The following CASKIN2 variants were observed in gnomAD, a reference collection of about 807,000 sequenced individuals.
The protein encoded by CASKIN2 is CASK interacting protein 2.
A neutral mutation model predicts 107.1 loss-of-function variants in CASKIN2; 41 were observed. That is an observed-to-expected ratio of 0.38 (90% CI 0.30 to 0.50). The LOEUF is 0.50. CASKIN2 is among the 20% of genes least tolerant of loss of function. CASKIN2 has a pLI of 0.92. For synonymous variants in CASKIN2, 724 were observed against 705.6 expected, an observed-to-expected ratio of 1.03 and a Z score of -0.41; for missense variants, 1,546 against 1,657.4, an observed-to-expected ratio of 0.93 and a Z score of 1.17.
chr17:75,507,792 C>T, intron 3 of CASKIN2, 111 bp from the exon 4 acceptor site: 1 of 752,790 alleles, frequency 1.3e-6, no homozygotes. Context: ...GGGTTACTGG[C>T]CCCCCCAACC....
At position 75,501,110 on chromosome 17, in the gene CASKIN2, C is replaced by G; in HGVS notation, c.3579G>C (p.Leu1193=). The G allele has an allele frequency of 6.3e-7, 1 of 1,587,414 alleles. No homozygotes were observed. The highest frequency in any genetic ancestry group is 8.6e-7 in the Non-Finnish European group (1 of 1,166,836). ...LDDISTMFDA[L]ADQLDAMLD is the part of the protein sequence containing the mutation. Reference sequence around the variant, plus strand: ...CCAGCATGGCGTCCAGCTGGTCAGCCAGGGCGTCGAACATGGTGCTGATGT... The same window carrying G: ...CCAGCATGGCGTCCAGCTGGTCAGCGAGGGCGTCGAACATGGTGCTGATGT... Residue 1193 remains leucine, a synonymous_variant, in exon 20 of 20, where the codon CTG becomes CTC. Coordinates refer to ENST00000321617, the MANE Select transcript of CASKIN2 (RefSeq NM_020753.5).
rs1032968336 is a variant in CASKIN2 at position 75,504,061 on chromosome 17, T to C, written c.1468-99A>G. The C allele has an allele frequency of 2.4e-6, 3 of 1,235,576 alleles. No homozygotes were observed. The Admixed American group carries it at 6.1e-5, about 25-fold the overall frequency. 76.5% of individuals were successfully genotyped at this position (1,235,576 alleles called of 1,614,324 possible). ...CCTGCCTGAGCGGGGCTTCAGTCCATACAGAGGCTCTTGCCTCTACCCTGC... is the reference window on the plus strand; with the variant it reads ...CCTGCCTGAGCGGGGCTTCAGTCCACACAGAGGCTCTTGCCTCTACCCTGC... On this transcript the variant is annotated intron_variant, in intron 14 of 19. Coordinates refer to ENST00000321617, the MANE Select transcript of CASKIN2 (RefSeq NM_020753.5).
chr17:75,513,394 G>C (rs1263934591), intron 2 of CASKIN2, among the ~76,000 whole-genome samples: 1 of 152,150 alleles, frequency 6.6e-6, no homozygotes, highest in Non-Finnish European at 1.5e-5. Context: ...CCCGTGAGCC[G>C]AGATCCTGCC....
Position 75,506,569 on chromosome 17 carries a change from G to T in CASKIN2, c.617+14C>A. 1 of 1,611,640 alleles carries T rather than the reference G, an allele frequency of 6.2e-7. No homozygotes were observed. ...CAGGCAGGTGATGAGGAAGCGAGGGGACCCCAAGGGTACCTGATGACTTCT... is the reference window on the plus strand; with the variant it reads ...CAGGCAGGTGATGAGGAAGCGAGGGTACCCCAAGGGTACCTGATGACTTCT... On this transcript the variant is annotated intron_variant, in intron 7 of 19. Coordinates refer to ENST00000321617, the MANE Select transcript of CASKIN2 (RefSeq NM_020753.5). This position sits in a 1 kb window ranked among gnomAD's most constrained non-coding sequence, Gnocchi z 4.8.
At chr17:75,513,027 C>T (rs2053327685) in intron 2 of CASKIN2, among the ~76,000 whole-genome samples, 1 of 152,136 alleles carries the variant, frequency 6.6e-6, no homozygotes, top group Non-Finnish European at 1.5e-5. Context: ...TTCTCTAACC[C>T]ACTGTCAGAA....
In CASKIN2 at chr17:75,503,979, G is replaced by A. The variant is rs202035404; in HGVS notation, c.1468-17C>T. On this transcript the variant is annotated splice_polypyrimidine_tract_variant and intron_variant, in intron 14 of 19. Coordinates refer to ENST00000321617, the MANE Select transcript of CASKIN2 (RefSeq NM_020753.5). ...CTGCGCGTCCTGCGGGGTGGGGGAA[G>A]GGGGCAGAATTAGCAGGAGCTGGAC... 3.1e-4 allele frequency: 494 copies of A among 1,600,100 alleles called. No individual in the cohort carries two copies. Among genetic ancestry groups the A allele is most frequent in the Non-Finnish European group, 3.9e-4 (457 of 1,172,786 alleles).
At chr17:75,511,768 C>A (rs1347727932) in intron 2 of CASKIN2, among the ~76,000 whole-genome samples, 1 of 152,164 alleles carries the variant, frequency 6.6e-6, no homozygotes, top group African/African-American at 2.4e-5. Flanking sequence ...CAGACGCTTC[C>A]CACTGGGCAC....
In CASKIN2 at chr17:75,502,367, G is replaced by A. The variant is rs1223515430; in HGVS notation, c.2707C>T (p.Arg903Ter). ...GCAGGTTCACTCAGTGTTCGCCTTC[G>A]GGGCCCTGTGGCCCCTTCCTTGGGC... is the stretch of plus-strand genomic sequence containing the variant. ...PGPKEGATGP[R>*]RRTLSEPAGP... The change falls in exon 18 of 20, where the codon CGA becomes TGA. Residue 903 changes from arginine (R) to a stop codon, truncating the protein, a stop_gained. Coordinates refer to ENST00000321617, the MANE Select transcript of CASKIN2 (RefSeq NM_020753.5). LOFTEE classifies it high-confidence loss of function. This position sits in a 1 kb window ranked among gnomAD's most constrained non-coding sequence, Gnocchi z 4.3. 1.4e-6 allele frequency: 2 copies of A among 1,478,748 alleles called. No individual in the cohort carries two copies. The highest frequency in any genetic ancestry group is 1.4e-5 in the South Asian group (1 of 70,330). The allele number at this position is 1,478,748 out of a possible 1,614,324, so 91.6% of individuals were successfully genotyped here. A position where few individuals can be genotyped will look rare whatever the true frequency, so the allele number is the denominator to read the frequency against.
intron 2 of CASKIN2, among the ~76,000 whole-genome samples, chr17:75,511,802 A>C (rs1345246886): frequency 1.3e-5 from 2 of 152,156 alleles, no homozygotes; most frequent in Non-Finnish European, 2.9e-5. Flanking sequence ...GGAGCCTAAG[A>C]GCCCAGCTCT....
chr17:75,507,190 C>T, intron 4 of CASKIN2, 61 bp from the exon 5 acceptor site: 2 of 1,546,816 alleles, frequency 1.3e-6, no homozygotes, highest in Non-Finnish European at 1.7e-6. Flanking sequence ...TGGAGAGGAA[C>T]TGAGCAGAGT....
chr17:75,505,118 G>T lies in CASKIN2; in HGVS notation c.931-45C>A. On this transcript the variant is annotated intron_variant, in intron 10 of 19. Transcript: ENST00000321617. The surrounding 1 kb of genome is among the most constrained non-coding windows in gnomAD (Gnocchi z 5.1). ...GCGGGGACGGTCACTCCCAGCACCA[G>T]GCAAGTGGCAAACGGTTGTCCCTGC... 6.3e-7 allele frequency: 1 copy of T among 1,594,618 alleles called. No homozygotes were observed. The highest frequency in any genetic ancestry group is 8.5e-7 in the Non-Finnish European group (1 of 1,172,108).
intron 2 of CASKIN2, among the ~76,000 whole-genome samples, 186 bp from the exon 3 acceptor site, chr17:75,508,471 T>G (rs1164926520): frequency 6.6e-6 from 1 of 151,280 alleles, no homozygotes; most frequent in African/African-American, 2.4e-5. Flanking sequence ...ATGAGGGCAG[T>G]GAGGGCAGGA....
chr17:75,502,481 G>A lies in CASKIN2; in HGVS notation c.2593C>T (p.Arg865Cys), dbSNP rs755968131. 11 of 1,450,966 alleles carry A rather than the reference G, an allele frequency of 7.6e-6. No individual in the cohort carries two copies. The highest frequency in any genetic ancestry group is 3.7e-4 in the Middle Eastern group (2 of 5,400). The allele number at this position is 1,450,966 out of a possible 1,614,324, so 89.9% of individuals were successfully genotyped here. A position where few individuals can be genotyped will look rare whatever the true frequency, so the allele number is the denominator to read the frequency against. ...RSQSFALRARRKGPPPPPPKR... is the reference protein window; with the variant it reads ...RSQSFALRARCKGPPPPPPKR... ...GGGGGCGGGGGCGGGGGGCCTTTGC[G>A]CCGGGCCCGCAGGGCAAAGGACTGG... Residue 865 changes from arginine (R) to cysteine (C), a missense_variant, in exon 18 of 20, where the codon CGC becomes TGC. Arg to Cys is a radical substitution (Grantham distance 180). This residue lies in a region of CASKIN2 where 1,311 missense variants were observed against 1,311.0 expected (regional missense o/e 1.00). Coordinates refer to ENST00000321617, the MANE Select transcript of CASKIN2 (RefSeq NM_020753.5). This position sits in a 1 kb window ranked among gnomAD's most constrained non-coding sequence, Gnocchi z 4.3.
In CASKIN2 at chr17:75,512,899, C is replaced by CAAA. The variant is rs35985597; in HGVS notation, c.94+809_94+811dup. ...CGGGTGAGAAAGCAAGACTCCGTCTCAAAAAAAAAAAACAGCTATCTTATA... is the reference window on the plus strand; with the variant it reads ...CGGGTGAGAAAGCAAGACTCCGTCTCAAAAAAAAAAAAAAACAGCTATCTTATA... On this transcript the variant is annotated intron_variant, in intron 2 of 19. Transcript: ENST00000321617. Among the ~76,000 whole-genome samples the CAAA allele has an allele frequency of 2.1e-3, 302 of 145,446 alleles. 2 individuals carry two copies. The highest frequency in any genetic ancestry group is 7.3e-3 in the African/African-American group (286 of 39,058).
chr17:75,502,274 G>A lies in CASKIN2; in HGVS notation c.2800C>T (p.Pro934Ser), dbSNP rs1567992069. 1 of 1,526,098 alleles carries A rather than the reference G, an allele frequency of 6.6e-7. No individual in the cohort carries two copies. The highest frequency in any genetic ancestry group is 8.8e-7 in the Non-Finnish European group (1 of 1,140,764). The allele number at this position is 1,526,098 out of a possible 1,614,324, so 94.5% of individuals were successfully genotyped here. A position where few individuals can be genotyped will look rare whatever the true frequency, so the allele number is the denominator to read the frequency against. ...GPASDTEEEE[P>S]GPEGTPPSRG... is the part of the protein sequence containing the mutation. ...GATGGGGGCGTCCCCTCAGGGCCTG[G>A]CTCCTCCTCCTCCGTGTCTGACGCG... The change falls in exon 18 of 20, where the codon CCA (proline) becomes TCA (serine). Residue 934 changes from proline to serine, a missense_variant. By Grantham distance (74) the Pro-to-Ser change is moderately conservative. Transcript: ENST00000321617. This position sits in a 1 kb window ranked among gnomAD's most constrained non-coding sequence, Gnocchi z 4.3.
At position 75,505,618 on chromosome 17, in the gene CASKIN2, T is replaced by C. The variant is rs755860274; in HGVS notation, c.869A>G (p.Lys290Arg). Residue 290 changes from lysine (K) to arginine (R), a missense_variant, in exon 10 of 20, where the codon AAG (lysine) becomes AGG (arginine). By Grantham distance (26) the Lys-to-Arg change is conservative. Coordinates refer to ENST00000321617, the MANE Select transcript of CASKIN2 (RefSeq NM_020753.5). This position sits in a 1 kb window ranked among gnomAD's most constrained non-coding sequence, Gnocchi z 5.1. ...ASGILKVRAL[K>R]DFWNLHDPTA... ...GGGATCGTGGAGGTTCCAGAAATCC[T>C]TGAGCGCTCGGACCTTCAGGATCCC... 1.1e-5 allele frequency: 17 copies of C among 1,613,350 alleles called. 1 individual carries two copies. The South Asian group carries it at 1.3e-4, about 13-fold the overall frequency.
Position 75,512,223 on chromosome 17 carries a change from C to T in CASKIN2, c.94+1488G>A, listed in dbSNP as rs534133733. 1.1e-4 allele frequency among the ~76,000 whole-genome samples: 16 copies of T among 152,338 alleles called. No homozygotes were observed. In the South Asian group the frequency reaches 3.1e-3, roughly 30 times the overall value. On this transcript the variant is annotated intron_variant, in intron 2 of 19. Coordinates refer to ENST00000321617, the MANE Select transcript of CASKIN2 (RefSeq NM_020753.5). ...CCGAGGTGTATCTTGGGGCTAGAGC[C>T]CCTGAACTCCAGAGGAGACCTTCCC...
intron 2 of CASKIN2, among the ~76,000 whole-genome samples, chr17:75,513,317 C>T (rs1262651344): frequency 6.6e-6 from 1 of 152,116 alleles, no homozygotes; most frequent in Non-Finnish European, 1.5e-5. Context: ...TGGTGGCACA[C>T]ACCTGTAATC....
chr17:75,502,276 T>TCCC lies in CASKIN2; in HGVS notation c.2797_2798insGGG (p.Glu932_Glu933insGly), dbSNP rs997721373. 3 of 1,517,284 alleles carry TCCC rather than the reference T, an allele frequency of 2.0e-6. No individual in the cohort carries two copies. The African/African-American group carries it at 4.1e-5, about 21-fold the overall frequency. 94.0% of individuals were successfully genotyped at this position (1,517,284 alleles called of 1,614,324 possible). On this transcript the variant is annotated inframe_insertion, in exon 18 of 20. Coordinates refer to ENST00000321617, the MANE Select transcript of CASKIN2 (RefSeq NM_020753.5). This position sits in a 1 kb window ranked among gnomAD's most constrained non-coding sequence, Gnocchi z 4.3. ...TGGGGGCGTCCCCTCAGGGCCTGGC[T>TCCC]CCTCCTCCTCCGTGTCTGACGCGGG...
Sources: gnomAD v4.1 joint callset for allele counts (sites outside exome capture counted in the v4.1 genomes callset) on GRCh38, gnomAD v4.1.1 for gene constraint, gnomAD v4.1.1 regional missense constraint, Gnocchi (gnomAD v3.1) non-coding constraint, MANE v1.5 for transcripts, NCBI Gene and HGNC (gene_info 2026-07-23, HGNC 2026-07-21) for gene names.